TRANK1: variants seen among roughly 807,000 people sequenced by gnomAD.
TRANK1 encodes TPR and ankyrin repeat-containing protein 1.
In TRANK1, 198 loss-of-function variants were observed where a neutral mutation model predicts 266.0. The observed-to-expected ratio is 0.74, with a 90% confidence interval of 0.66 to 0.84. The LOEUF is 0.84. Among genes scored for constraint, TRANK1 ranks in the 40% least tolerant of loss-of-function variants. TRANK1 has a pLI of 0.00. For missense variants in TRANK1, 3,326 were observed against 3,634.6 expected (o/e 0.92, Z 2.18); for synonymous variants, 1,396 against 1,384.1 (o/e 1.01, Z -0.19).
At chr3:36,844,677 G>T (rs1056512392) in intron 17 of TRANK1, among the ~76,000 whole-genome samples, 11 of 152,186 alleles carry the variant, frequency 7.2e-5, no homozygotes, top group Non-Finnish European at 1.6e-4. Context: ...TCATTACACA[G>T]GTAGAAAGTT....
chr3:36,902,351 A>AT (rs1352189387), intron 3 of TRANK1, among the ~76,000 whole-genome samples: 2 of 152,170 alleles, frequency 1.3e-5, no homozygotes, highest in Non-Finnish European at 2.9e-5. Flanking sequence ...TTTCCATTGT[A>AT]TTTTGTTTCT....
At chr3:36,912,794 G>A (rs1438366718) in intron 1 of TRANK1, among the ~76,000 whole-genome samples, 3 of 152,328 alleles carry the variant, frequency 2.0e-5, no homozygotes, top group East Asian at 3.9e-4. Context: ...GGTTATTACT[G>A]AAATGGGCAG....
In TRANK1 at chr3:36,857,463, A is replaced by G; in HGVS notation, c.2259T>C (p.Cys753=). ...CCTCCAGAGGCTCAGAGCTCTGAAGACAGTCCTCTGGGAAAGACGGATCCA... is the reference window on the plus strand; with the variant it reads ...CCTCCAGAGGCTCAGAGCTCTGAAGGCAGTCCTCTGGGAAAGACGGATCCA... ...VEVDPSFPED[C]LQSSEPLEAG... Residue 753 remains cysteine, a synonymous_variant, in exon 13 of 24, where the codon TGT becomes TGC. Coordinates refer to ENST00000645898, the MANE Select transcript of TRANK1 (RefSeq NM_001329998.2). This position sits in a 1 kb window ranked among gnomAD's most constrained non-coding sequence, Gnocchi z 4.3. 1 of 1,613,976 alleles carries G rather than the reference A, an allele frequency of 6.2e-7. No individual in the cohort carries two copies. The highest frequency in any genetic ancestry group is 2.2e-5 in the East Asian group (1 of 44,882).
intron 1 of TRANK1, among the ~76,000 whole-genome samples, chr3:36,931,037 T>C (rs928122010): frequency 1.3e-5 from 2 of 152,014 alleles, no homozygotes; most frequent in Admixed American, 6.6e-5. Context: ...CATTCAGCAA[T>C]ACCTAACAAA....
intron 15 of TRANK1, chr3:36,850,353 C>A (rs71328159): frequency 0.015 from 15,086 of 985,344 alleles, 140 homozygotes; most frequent in South Asian, 0.026. Flanking sequence ...GAATTCAATT[C>A]GCATGCGAGG....
chr3:36,937,074 G>A (rs1199210441), intron 1 of TRANK1, among the ~76,000 whole-genome samples: 2 of 152,208 alleles, frequency 1.3e-5, no homozygotes, highest in African/African-American at 4.8e-5. Context: ...TCCAGCCTGG[G>A]TGACAGAGCT....
chr3:36,831,758 C>G lies in TRANK1; in HGVS notation c.7825G>C (p.Glu2609Gln), dbSNP rs753397313. Residue 2609 changes from glutamate to glutamine, a missense_variant, in exon 22 of 24, where the codon GAG (glutamate) becomes CAG (glutamine). Transcript: ENST00000645898. This position sits in a 1 kb window ranked among gnomAD's most constrained non-coding sequence, Gnocchi z 5.0. ...MSMDCPGQVPERLLKVVKRVL... is the reference protein window; with the variant it reads ...MSMDCPGQVPQRLLKVVKRVL... ...CGCTTCACCACCTTCAGGAGCCTCT[C>G]GGGAACCTGGCCAGGGCAGTCCATG... is the stretch of plus-strand genomic sequence containing the variant. The G allele has an allele frequency of 1.5e-5, 25 of 1,613,868 alleles. No individual in the cohort carries two copies. Among genetic ancestry groups the G allele is most frequent in the Non-Finnish European group, 2.0e-5 (24 of 1,179,900 alleles).
In TRANK1 at chr3:36,861,059, G is replaced by T; in HGVS notation, c.1342C>A (p.Leu448Met). ...KQRWPEVLLL[L>M]TRKVSGEPPL... ...GGTTCTCCACTTACTTTGCGGGTCA[G>T]CAGCAGAAGCACCTCAGGCCATCTC... The change falls in exon 11 of 24, where the codon CTG (leucine) becomes ATG (methionine). Residue 448 changes from leucine to methionine, a missense_variant. Leu to Met is a conservative substitution (Grantham distance 15). Coordinates refer to ENST00000645898, the MANE Select transcript of TRANK1 (RefSeq NM_001329998.2). The T allele has an allele frequency of 6.5e-7, 1 of 1,537,804 alleles. No homozygotes were observed. The highest frequency in any genetic ancestry group is 8.7e-7 in the Non-Finnish European group (1 of 1,147,024).
Position 36,846,306 on chromosome 3 carries a change from T to C in TRANK1, c.5133A>G (p.Ala1711=), listed in dbSNP as rs1396326738. 9.3e-6 allele frequency: 15 copies of C among 1,613,134 alleles called. No individual in the cohort carries two copies. Among genetic ancestry groups the C allele is most frequent in the Non-Finnish European group, 1.3e-5 (15 of 1,179,516 alleles). Residue 1711 remains alanine, a synonymous_variant, in exon 17 of 24, where the codon GCA becomes GCG. Transcript: ENST00000645898. Reference sequence around the variant, plus strand: ...AATCTCTTCTAATGAAATATTTGAATGCGGGAGCCCGTTTCTCTCGGTTTT... The same window carrying C: ...AATCTCTTCTAATGAAATATTTGAACGCGGGAGCCCGTTTCTCTCGGTTTT... ...FDENREKRAP[A]FKYFIRRDFV...
intron 1 of TRANK1, among the ~76,000 whole-genome samples, chr3:36,918,594 GGAAGGAAGGAAGGAAAGAAA>G (rs2080168146): frequency 7.8e-5 from 5 of 64,344 alleles, no homozygotes; most frequent in African/African-American, 3.3e-4. Flanking sequence ...AAGGAAGGAA[GGAAGGAAGGAAGGAAAGAAA>G]GAAAGAAAGA....
chr3:36,909,192 C>T (rs1044603708), intron 1 of TRANK1, among the ~76,000 whole-genome samples: 1 of 152,234 alleles, frequency 6.6e-6, no homozygotes, highest in Non-Finnish European at 1.5e-5. Flanking sequence ...TTGCCTCTTT[C>T]AGGTCAAACC....
At chr3:36,869,842 G>A (rs1281596384) in intron 9 of TRANK1, among the ~76,000 whole-genome samples, 1 of 152,252 alleles carries the variant, frequency 6.6e-6, no homozygotes, top group Non-Finnish European at 1.5e-5. Flanking sequence ...AGTCACATGT[G>A]ACGAGTGGCT....
chr3:36,906,579 A>G (rs1575297190), intron 2 of TRANK1, among the ~76,000 whole-genome samples: 1 of 152,252 alleles, frequency 6.6e-6, no homozygotes, highest in Admixed American at 6.5e-5. Flanking sequence ...TGATAAAATC[A>G]CAAGGGTCCC....
At position 36,861,141 on chromosome 3, in the gene TRANK1, G is replaced by T. The variant is rs369667140; in HGVS notation, c.1260C>A (p.Val420=). ...TGGCACAGTCTTGATTAATATCACAGACCAGGTCAGGAGGAATTTCTTTCA... is the reference window on the plus strand; with the variant it reads ...TGGCACAGTCTTGATTAATATCACATACCAGGTCAGGAGGAATTTCTTTCA... The part of the protein sequence containing the change: ...STLQEIPPDL[V]CDINQDCATT... Residue 420 remains valine (V), a synonymous_variant, in exon 11 of 24, where the codon GTC becomes GTA. Transcript: ENST00000645898. 2.6e-6 allele frequency: 4 copies of T among 1,537,022 alleles called. No individual in the cohort carries two copies. The highest frequency in any genetic ancestry group is 3.5e-6 in the Non-Finnish European group (4 of 1,146,842).
chr3:36,882,005 G>T (rs900797293), intron 8 of TRANK1, among the ~76,000 whole-genome samples: 7 of 152,162 alleles, frequency 4.6e-5, no homozygotes, highest in Non-Finnish European at 2.9e-5. Context: ...AGAGATTTGG[G>T]TTGTTTCCAC....
At chr3:36,941,032 G>C (rs552897250) in intron 1 of TRANK1, among the ~76,000 whole-genome samples, 24 of 152,294 alleles carry the variant, frequency 1.6e-4, no homozygotes, top group African/African-American at 4.6e-4. Flanking sequence ...TGATTGCCCT[G>C]GTGGCCACAG....
At chr3:36,886,372 A>G (rs1017039892) in intron 8 of TRANK1, among the ~76,000 whole-genome samples, 1 of 151,002 alleles carries the variant, frequency 6.6e-6, no homozygotes, top group Non-Finnish European at 1.5e-5. Flanking sequence ...GCCTCCCCCA[A>G]AGTGCTAGGA....
chr3:36,862,847 G>A (rs1433817909), intron 10 of TRANK1, among the ~76,000 whole-genome samples: 2 of 152,260 alleles, frequency 1.3e-5, no homozygotes, highest in East Asian at 3.9e-4. Context: ...TGACATTGGT[G>A]AGCTCCCTGA....
intron 1 of TRANK1, among the ~76,000 whole-genome samples, chr3:36,935,445 C>CTTTTT (rs11374436): frequency 2.4e-4 from 20 of 83,694 alleles, no homozygotes; most frequent in East Asian, 3.8e-4. Context: ...TGCCTGAATT[C>CTTTTT]TTTTTTTTTT....
Sources: allele counts gnomAD v4.1 joint callset (sites outside exome capture counted in the v4.1 genomes callset), GRCh38; gene constraint gnomAD v4.1.1; non-coding constraint Gnocchi (gnomAD v3.1); transcripts MANE v1.5; gene names NCBI Gene and HGNC (gene_info 2026-07-23, HGNC 2026-07-21).